The following TOM1L2 variants were observed in gnomAD, a reference collection of about 807,000 sequenced individuals.
The protein encoded by TOM1L2 is TOM1-like protein 2.
TOM1L2 carries 31 observed loss-of-function variants against 67.9 expected under a neutral mutation model. The observed-to-expected ratio is 0.46, with a 90% CI of 0.34 to 0.62. TOM1L2 has a LOEUF of 0.62. Among genes scored for constraint, TOM1L2 ranks in the 20% least tolerant of loss-of-function variants. The pLI is 0.01. For synonymous variants in TOM1L2, 256 were observed against 254.0 expected (o/e 1.01, Z -0.07); for missense variants, 606 against 663.5 (o/e 0.91, Z 0.95).
chr17:17,851,085 A>C, intron 12 of TOM1L2, 133 bp from the exon 13 acceptor site: 11 of 925,184 alleles, frequency 1.2e-5, no homozygotes, highest in Non-Finnish European at 1.5e-5. Flanking sequence ...AAAAAACACA[A>C]TTGGCACAGC....
At chr17:17,950,712 T>A (rs1220515552) in intron 1 of TOM1L2, among the ~76,000 whole-genome samples, 2 of 152,214 alleles carry the variant, frequency 1.3e-5, no homozygotes, top group Admixed American at 1.3e-4. Context: ...CAAGTGAAAC[T>A]ACTTTTCAAT....
In TOM1L2 at chr17:17,845,209, T is replaced by G. The variant is rs2035579599; in HGVS notation, c.*2426A>C. 1 of 152,232 alleles carries G rather than the reference T, an allele frequency of 6.6e-6. No homozygotes were observed. Among genetic ancestry groups the G allele is most frequent in the African/African-American group, 2.4e-5 (1 of 41,456 alleles). The allele number at this position is 152,232 out of a possible 1,614,324, so 9.4% of individuals were successfully genotyped here. On this transcript the variant is annotated 3_prime_UTR_variant, in exon 15 of 15. Coordinates refer to ENST00000379504, the MANE Select transcript of TOM1L2 (RefSeq NM_001082968.2). ...GGATAGGAGGTGCAAGCAGGCCACCTGAGGGGTGGCTCCAGGCTAGGAAGG... is the reference window on the plus strand; with the variant it reads ...GGATAGGAGGTGCAAGCAGGCCACCGGAGGGGTGGCTCCAGGCTAGGAAGG...
intron 7 of TOM1L2, chr17:17,869,689 G>A (rs575689662): frequency 1.5e-6 from 2 of 1,369,996 alleles, no homozygotes; most frequent in African/African-American, 2.9e-5. Flanking sequence ...GCAGACAAAT[G>A]TCCAGACATA....
chr17:17,898,706 T>C, intron 2 of TOM1L2, 32 bp from the exon 3 acceptor site: 2 of 1,611,334 alleles, frequency 1.2e-6, no homozygotes, highest in Non-Finnish European at 1.7e-6. Context: ...TAAAGATACT[T>C]ACAATCCCAC....
chr17:17,964,227 C>T (rs2041799813), intron 1 of TOM1L2, among the ~76,000 whole-genome samples: 1 of 152,172 alleles, frequency 6.6e-6, no homozygotes, highest in South Asian at 2.1e-4. Flanking sequence ...GCAGGAAAAG[C>T]CTGAATGTTA....
rs191598663 is a variant in TOM1L2, at chr17:17,905,623, C to T, written c.137+1824G>A. Reference sequence around the variant, plus strand: ...ACACCGTCCTGGTTCATCACAGCCTCGAACTCCTAGGCGTAAGCAATCTTC... The same window carrying T: ...ACACCGTCCTGGTTCATCACAGCCTTGAACTCCTAGGCGTAAGCAATCTTC... On this transcript the variant is annotated intron_variant, in intron 2 of 14. Coordinates refer to ENST00000379504, the MANE Select transcript of TOM1L2 (RefSeq NM_001082968.2). 5.9e-5 allele frequency among the ~76,000 whole-genome samples: 9 copies of T among 152,344 alleles called. No individual in the cohort carries two copies. In the South Asian group the frequency reaches 8.3e-4, roughly 14 times the overall value.
chr17:17,850,691 C>T (rs536704640), intron 13 of TOM1L2, among the ~76,000 whole-genome samples: 21 of 152,204 alleles, frequency 1.4e-4, no homozygotes, highest in East Asian at 5.8e-4. Flanking sequence ...AGTTGGCCTC[C>T]GCAGGCCGGG....
In TOM1L2 at chr17:17,954,532, C is replaced by G. The variant is rs192564870; in HGVS notation, c.52+17730G>C. On this transcript the variant is annotated intron_variant, in intron 1 of 14. Transcript: ENST00000379504. ...TTCGCCATGTTGGCCAGGCTAGTCT[C>G]GAACTACTGACCTCAGATGACCCAC... is the stretch of plus-strand genomic sequence containing the variant. Among the ~76,000 whole-genome samples, 368 of 152,240 alleles carry G rather than the reference C, an allele frequency of 2.4e-3. 1 individual carries two copies. The highest frequency in any genetic ancestry group is 3.9e-3 in the Non-Finnish European group (266 of 68,012).
At chr17:17,945,877 A>T (rs2144838544) in intron 1 of TOM1L2, among the ~76,000 whole-genome samples, 1 of 152,164 alleles carries the variant, frequency 6.6e-6, no homozygotes, top group South Asian at 2.1e-4. Context: ...TTTAAAAAAG[A>T]TGTCTATTTT....
chr17:17,960,867 C>A (rs931460592), intron 1 of TOM1L2, among the ~76,000 whole-genome samples: 2 of 152,130 alleles, frequency 1.3e-5, no homozygotes, highest in Non-Finnish European at 2.9e-5. Context: ...ATCTTTAAGG[C>A]ATTGTGTTAG....
At chr17:17,847,878 G>A in intron 14 of TOM1L2, 95 bp from the exon 15 acceptor site, 1 of 1,566,498 alleles carries the variant, frequency 6.4e-7, no homozygotes. Context: ...CCTCCTCTAG[G>A]GCAGGCATGA....
At chr17:17,926,665 C>T (rs530544377) in intron 1 of TOM1L2, among the ~76,000 whole-genome samples, 98 of 152,090 alleles carry the variant, frequency 6.4e-4, no homozygotes, top group Admixed American at 1.9e-3. Context: ...GAGTTCAAGA[C>T]CAGCCAACAT....
Position 17,863,160 on chromosome 17 carries a change from G to A in TOM1L2, c.1085-312C>T, listed in dbSNP as rs1187735040. 1.3e-5 allele frequency: 4 copies of A among 303,104 alleles called. No individual in the cohort carries two copies. In the South Asian group the frequency reaches 1.5e-4, roughly 12 times the overall value. The allele number at this position is 303,104 out of a possible 1,614,324, so 18.8% of individuals were successfully genotyped here. On this transcript the variant is annotated intron_variant, in intron 10 of 14. Transcript: ENST00000379504. ...GCAGATTTTCCATAATGCCCTTCTC[G>A]CTTGGGCTCCTCATTAACTCAATCA... is the stretch of plus-strand genomic sequence containing the variant.
rs556957229 is a variant in TOM1L2 at position 17,872,604 on chromosome 17, T to G, written c.778-3131A>C. On this transcript the variant is annotated intron_variant, in intron 7 of 14. Transcript: ENST00000379504. ...AAACTTCTGCCTCTCTGCTCTGCCA[T>G]GGACTGTTCCGGGCCACCGTGCGGG... 3.9e-5 allele frequency among the ~76,000 whole-genome samples: 6 copies of G among 152,340 alleles called. No homozygotes were observed. The South Asian group carries it at 6.2e-4, about 16-fold the overall frequency.
In TOM1L2 at chr17:17,962,915, C is replaced by T. The variant is rs530986521; in HGVS notation, c.52+9347G>A. ...GGCAGAGGTTGCAATGAGCCGAGGT[C>T]GTGCCACTGCACTCCAGCCTGGGCA... On this transcript the variant is annotated intron_variant, in intron 1 of 14. Coordinates refer to ENST00000379504, the MANE Select transcript of TOM1L2 (RefSeq NM_001082968.2). Among the ~76,000 whole-genome samples, 70 of 150,582 alleles carry T rather than the reference C, an allele frequency of 4.6e-4. 1 individual carries two copies. The South Asian group carries it at 0.014, about 31-fold the overall frequency.
rs775631393 is a variant in TOM1L2, at chr17:17,847,674, C to A, written c.1485G>T (p.Lys495Asn). Residue 495 changes from lysine (K) to asparagine (N), a missense_variant, in exon 15 of 15, where the codon AAG becomes AAT. This residue lies in a region of TOM1L2 where 543 missense variants were observed against 554.0 expected (regional missense o/e 0.98). Coordinates refer to ENST00000379504, the MANE Select transcript of TOM1L2 (RefSeq NM_001082968.2). ...GGGCATCCTCTGACCGCTCTGGCTTCTTCCGGCCAGAAGGGTTTGAGGCTG... is the reference window on the plus strand; with the variant it reads ...GGGCATCCTCTGACCGCTCTGGCTTATTCCGGCCAGAAGGGTTTGAGGCTG... Reference protein sequence around the residue: ...PAPASNPSGRKKPERSEDALF... With the variant: ...PAPASNPSGRNKPERSEDALF... 4 of 1,613,890 alleles carry A rather than the reference C, an allele frequency of 2.5e-6. No homozygotes were observed. The Admixed American group carries it at 6.7e-5, about 27-fold the overall frequency.
intron 1 of TOM1L2, among the ~76,000 whole-genome samples, chr17:17,923,541 T>C (rs1235172340): frequency 6.6e-6 from 1 of 152,014 alleles, no homozygotes; most frequent in Admixed American, 6.6e-5. Context: ...TTTTTTTTAA[T>C]TAGCTGGGCG....
At chr17:17,956,172 T>C (rs1246375579) in intron 1 of TOM1L2, among the ~76,000 whole-genome samples, 1 of 152,212 alleles carries the variant, frequency 6.6e-6, no homozygotes, top group African/African-American at 2.4e-5. Context: ...GATTGGTCCA[T>C]TTTACAGAGA....
At position 17,961,081 on chromosome 17, in the gene TOM1L2, G is replaced by C. The variant is rs116238840; in HGVS notation, c.52+11181C>G. Among the ~76,000 whole-genome samples, 1,220 of 152,122 alleles carry C rather than the reference G, an allele frequency of 8.0e-3. 12 individuals carry two copies. The highest frequency in any genetic ancestry group is 0.029 in the African/African-American group (1,186 of 41,508). ...GAATATATAGAGAACTCCTAAAACC[G>C]AACAACAACAAAACCCAATTAAAAA... is the stretch of plus-strand genomic sequence containing the variant. On this transcript the variant is annotated intron_variant, in intron 1 of 14. Coordinates refer to ENST00000379504, the MANE Select transcript of TOM1L2 (RefSeq NM_001082968.2).
Sources: allele counts gnomAD v4.1 joint callset (sites outside exome capture counted in the v4.1 genomes callset), GRCh38; gene constraint gnomAD v4.1.1; regional missense constraint gnomAD v4.1.1; transcripts MANE v1.5; gene names NCBI Gene and HGNC (gene_info 2026-07-23, HGNC 2026-07-21).